The following USP32 variants were observed in gnomAD, a reference collection of about 807,000 sequenced individuals.
The protein encoded by USP32 is ubiquitin carboxyl-terminal hydrolase 32.
USP32 carries 59 observed loss-of-function variants against 204.8 expected under a neutral mutation model. That is an observed-to-expected ratio of 0.29 (90% CI 0.23 to 0.36). USP32 has a LOEUF of 0.36. USP32 is among the 10% of genes least tolerant of loss of function. The pLI, the probability that USP32 is intolerant of heterozygous loss-of-function variation, is 1.00. For synonymous variants in USP32, 517 were observed against 678.4 expected, an observed-to-expected ratio of 0.76 and a Z score of 3.70; for missense variants, 1,160 against 1,946.4, an observed-to-expected ratio of 0.60 and a Z score of 7.60.
At chr17:60,414,842 C>A (rs868845146) in intron 1 of USP32, among the ~76,000 whole-genome samples, 31 of 148,910 alleles carry the variant, frequency 2.1e-4, no homozygotes, top group Middle Eastern at 3.6e-3. Context: ...TTTTATTTTT[C>A]TTTTCTTTCT....
chr17:60,262,515 C>T (rs1211688130), intron 9 of USP32, among the ~76,000 whole-genome samples: 1 of 152,118 alleles, frequency 6.6e-6, no homozygotes, highest in Non-Finnish European at 1.5e-5. Flanking sequence ...TGTAAATGTC[C>T]TCCGTTTAAA....
At chr17:60,191,991 G>A (rs2084394490) in intron 28 of USP32, among the ~76,000 whole-genome samples, 1 of 132,806 alleles carries the variant, frequency 7.5e-6, no homozygotes. Context: ...GCTTAGAACT[G>A]GCAAACTTAT....
chr17:60,187,555 ATATTATCTC>A (rs1333157249), intron 29 of USP32, among the ~76,000 whole-genome samples: 4 of 152,256 alleles, frequency 2.6e-5, no homozygotes, highest in African/African-American at 9.6e-5. Context: ...AGCCAGTTAA[ATATTATCTC>A]TATTATCTCT....
chr17:60,201,690 G>A (rs1056952828), intron 26 of USP32, among the ~76,000 whole-genome samples: 5 of 147,414 alleles, frequency 3.4e-5, no homozygotes, highest in South Asian at 4.3e-4. Context: ...ACGGAGTCTC[G>A]CTCTGTTGCC....
chr17:60,223,599 A>C lies in USP32; in HGVS notation c.1433-13T>G. 1 of 1,579,004 alleles carries C rather than the reference A, an allele frequency of 6.3e-7. No homozygotes were observed. Among genetic ancestry groups the C allele is most frequent in the Non-Finnish European group, 8.5e-7 (1 of 1,170,542 alleles). On this transcript the variant is annotated splice_polypyrimidine_tract_variant and intron_variant, in intron 13 of 33. Transcript: ENST00000300896. ...GAATACAGAAAGCCTATAAAAAAAA[A>C]AGAGGATAGAATCTCTTATTTTTAG...
rs370626879 is a variant in USP32, at chr17:60,355,000, C to T, written c.59-9392G>A. Reference sequence around the variant, plus strand: ...TGGAAGTTGCAGTGAGCCGAGATAGCGCCACCGCACCCCAGCCTGGGCAAC... The same window carrying T: ...TGGAAGTTGCAGTGAGCCGAGATAGTGCCACCGCACCCCAGCCTGGGCAAC... On this transcript the variant is annotated intron_variant, in intron 1 of 33. Coordinates refer to ENST00000300896, the MANE Select transcript of USP32 (RefSeq NM_032582.4). Among the ~76,000 whole-genome samples, 268 of 152,256 alleles carry T rather than the reference C, an allele frequency of 1.8e-3. 2 individuals are homozygous for T. The highest frequency in any genetic ancestry group is 6.0e-3 in the African/African-American group (248 of 41,566).
chr17:60,180,383 T>C (rs979979955), intron 33 of USP32, among the ~76,000 whole-genome samples, 162 bp downstream of exon 33: 1 of 152,256 alleles, frequency 6.6e-6, no homozygotes, highest in Non-Finnish European at 1.5e-5. Context: ...TTCCCTACTC[T>C]GCATATAACT....
chr17:60,387,157 T>G (rs2146130471), intron 1 of USP32, among the ~76,000 whole-genome samples: 1 of 152,338 alleles, frequency 6.6e-6, no homozygotes, highest in African/African-American at 2.4e-5. Flanking sequence ...AATGATACAT[T>G]ATGCTAAACG....
At chr17:60,193,741 T>C (rs1321167578) in intron 27 of USP32, among the ~76,000 whole-genome samples, 1 of 152,104 alleles carries the variant, frequency 6.6e-6, no homozygotes, top group Non-Finnish European at 1.5e-5. Context: ...CTATTGAAGG[T>C]AATGAAACCA....
intron 5 of USP32, among the ~76,000 whole-genome samples, chr17:60,279,479 CAA>C (rs1285752901): frequency 2.7e-5 from 3 of 111,906 alleles, no homozygotes; most frequent in Non-Finnish European, 1.9e-5. Flanking sequence ...GACTCTGTCT[CAA>C]AAAAAAAAAG....
At chr17:60,230,257 G>A (rs2085511333) in intron 12 of USP32, among the ~76,000 whole-genome samples, 1 of 152,188 alleles carries the variant, frequency 6.6e-6, no homozygotes. Context: ...TATCTTAAAT[G>A]TTTTAACATG....
intron 11 of USP32, among the ~76,000 whole-genome samples, chr17:60,246,791 T>G (rs1598135943): frequency 6.6e-6 from 1 of 152,342 alleles, no homozygotes; most frequent in East Asian, 1.9e-4. Context: ...TGATTAGTGA[T>G]GTTGAGCATT....
intron 2 of USP32, among the ~76,000 whole-genome samples, chr17:60,302,434 A>C (rs2087607396): frequency 6.6e-6 from 1 of 152,234 alleles, no homozygotes; most frequent in Non-Finnish European, 1.5e-5. Context: ...GGCATGAGCC[A>C]CCGCGCCTGG....
At chr17:60,419,063 T>G (rs1166771672) in intron 1 of USP32, among the ~76,000 whole-genome samples, 1 of 152,106 alleles carries the variant, frequency 6.6e-6, no homozygotes, top group African/African-American at 2.4e-5. Context: ...ACACATGCAC[T>G]CGTATATTTA....
chr17:60,194,025 C>T (rs1598042794), intron 27 of USP32, among the ~76,000 whole-genome samples: 1 of 152,018 alleles, frequency 6.6e-6, no homozygotes, highest in East Asian at 1.9e-4. Context: ...CTTGAGAATC[C>T]TGCTCCCCCT....
intron 2 of USP32, among the ~76,000 whole-genome samples, chr17:60,314,128 CTTTTTT>C (rs35830572): frequency 5.4e-3 from 284 of 52,870 alleles, no homozygotes; most frequent in Non-Finnish European, 7.5e-3. Context: ...TATTGTGTGG[CTTTTTT>C]TTTTTTTTTT....
At chr17:60,416,943 A>G (rs962603079) in intron 1 of USP32, among the ~76,000 whole-genome samples, 1 of 148,592 alleles carries the variant, frequency 6.7e-6, no homozygotes, top group Non-Finnish European at 1.5e-5. Context: ...TTTGAGACAG[A>G]GTCTCAATCT....
At chr17:60,340,743 T>C (rs1400932223) in intron 2 of USP32, among the ~76,000 whole-genome samples, 1 of 152,234 alleles carries the variant, frequency 6.6e-6, no homozygotes, top group African/African-American at 2.4e-5. Flanking sequence ...GCCCATTAAT[T>C]GATGCAGTTT....
Position 60,392,074 on chromosome 17 carries a change from T to A in USP32, c.-135A>T. ...CCCCACCTCCCCCCACACTAACAAG[T>A]GCGGCTTCTGCCCCGGCGGCTCCTC... On this transcript the variant is annotated 5_prime_UTR_variant, in exon 1 of 34. Transcript: ENST00000300896. 1 of 953,356 alleles carries A rather than the reference T, an allele frequency of 1.0e-6. No individual in the cohort carries two copies. Among genetic ancestry groups the A allele is most frequent in the Non-Finnish European group, 1.5e-6 (1 of 683,488 alleles). The allele number at this position is 953,356 out of a possible 1,614,324, so 59.1% of individuals were successfully genotyped here.
Sources: allele counts gnomAD v4.1 joint callset (sites outside exome capture counted in the v4.1 genomes callset), GRCh38; gene constraint gnomAD v4.1.1; transcripts MANE v1.5; gene names NCBI Gene and HGNC (gene_info 2026-07-23, HGNC 2026-07-21).